The following AGAP1 variants were observed in gnomAD, a reference collection of about 807,000 sequenced individuals.
AGAP1 encodes the protein arf-GAP with GTPase, ANK repeat and PH domain-containing protein 1.
AGAP1 carries 29 observed loss-of-function variants against 105.3 expected under a neutral mutation model. The observed-to-expected ratio is 0.28, with a 90% CI of 0.21 to 0.38. AGAP1 has a LOEUF of 0.38. Ranked by LOEUF, AGAP1 falls within the 10% of genes least tolerant of loss-of-function variation. The probability of loss-of-function intolerance (pLI) is 1.00; values close to 1 mark genes in which losing one functional copy is unlikely to be tolerated. For synonymous variants in AGAP1, 509 were observed against 485.9 expected, an observed-to-expected ratio of 1.05 and a Z score of -0.63; for missense variants, 998 against 1,165.1, an observed-to-expected ratio of 0.86 and a Z score of 2.09.
In AGAP1 at chr2:235,787,687, A is replaced by G. The variant is rs1013291699; in HGVS notation, c.674-10072A>G. 1.3e-5 allele frequency among the ~76,000 whole-genome samples: 2 copies of G among 152,226 alleles called. No individual in the cohort carries two copies. Among genetic ancestry groups the G allele is most frequent in the Non-Finnish European group, 2.9e-5 (2 of 68,040 alleles). On this transcript the variant is annotated intron_variant, in intron 6 of 17. Coordinates refer to ENST00000304032, the MANE Select transcript of AGAP1 (RefSeq NM_001037131.3). The surrounding 1 kb of genome is among the most constrained non-coding windows in gnomAD (Gnocchi z 4.4). Reference sequence around the variant, plus strand: ...AGTGAGGGATGCTATAAAGCATAGTAAAGAAACCTTCCTTGACACATTAAA... The same window carrying G: ...AGTGAGGGATGCTATAAAGCATAGTGAAGAAACCTTCCTTGACACATTAAA...
At chr2:236,116,881 A>T (rs1229230397) in intron 16 of AGAP1, among the ~76,000 whole-genome samples, 1 of 152,020 alleles carries the variant, frequency 6.6e-6, no homozygotes, top group South Asian at 2.1e-4. Context: ...TACTTTCCTT[A>T]GAATAATAGT....
intron 1 of AGAP1, among the ~76,000 whole-genome samples, chr2:235,686,634 TATATATATATAGATATATATATATATATA>T (rs1559350622): frequency 3.5e-4 from 18 of 51,892 alleles, no homozygotes; most frequent in East Asian, 7.0e-4. Flanking sequence ...TATATATATA[TATATATATATAGATATATATATATATATA>T]TATTTTTTTT....
At chr2:235,649,695 C>T (rs189040423) in intron 1 of AGAP1, among the ~76,000 whole-genome samples, 108 of 152,310 alleles carry the variant, frequency 7.1e-4, no homozygotes, top group African/African-American at 1.9e-3. Context: ...TCTAGCGCCT[C>T]CCAGGTGGCT....
chr2:235,564,880 G>A (rs1484776102), intron 1 of AGAP1, among the ~76,000 whole-genome samples: 1 of 150,120 alleles, frequency 6.7e-6, no homozygotes, highest in African/African-American at 2.5e-5. Context: ...AGGGCCAGGT[G>A]TGAGCCTGGA....
At chr2:235,851,497 ATT>A (rs930673990) in intron 9 of AGAP1, among the ~76,000 whole-genome samples, 1 of 150,892 alleles carries the variant, frequency 6.6e-6, no homozygotes, top group Non-Finnish European at 1.5e-5. Context: ...GTTTCAGAGA[ATT>A]TTTTTTTTAA....
intron 7 of AGAP1, among the ~76,000 whole-genome samples, chr2:235,798,202 T>C (rs770676139): frequency 5.4e-4 from 82 of 152,198 alleles, no homozygotes; most frequent in Non-Finnish European, 1.1e-3. Flanking sequence ...AGTCTGCTTA[T>C]AGGTTGAACA....
At chr2:235,839,688 C>T (rs372000327) in intron 9 of AGAP1, among the ~76,000 whole-genome samples, 10 of 152,272 alleles carry the variant, frequency 6.6e-5, no homozygotes, top group East Asian at 3.9e-4. Context: ...CCAGCGAGTT[C>T]GTTTCCACCC....
chr2:235,849,234 T>C (rs1390173898), intron 9 of AGAP1, among the ~76,000 whole-genome samples: 8 of 152,212 alleles, frequency 5.3e-5, no homozygotes, highest in Admixed American at 5.2e-4. Context: ...TCAAGTTTTC[T>C]CAGAAAAGGA....
chr2:236,111,003 C>T (rs920689860), intron 16 of AGAP1, among the ~76,000 whole-genome samples: 1 of 152,184 alleles, frequency 6.6e-6, no homozygotes, highest in African/African-American at 2.4e-5. Flanking sequence ...AACCAGCCCC[C>T]TCGGGCCTCT....
chr2:235,880,083 C>CTTTTTTTTTTTTTT (rs35633339), intron 9 of AGAP1, among the ~76,000 whole-genome samples: 1 of 138,890 alleles, frequency 7.2e-6, no homozygotes, highest in African/African-American at 2.6e-5. Flanking sequence ...GCACTCTGGC[C>CTTTTTTTTTTTTTT]TTTTTTTTTT....
chr2:235,661,857 A>G lies in AGAP1; in HGVS notation c.164-47322A>G, dbSNP rs544470922. 7.9e-5 allele frequency among the ~76,000 whole-genome samples: 12 copies of G among 152,286 alleles called. No homozygotes were observed. The East Asian group carries it at 2.3e-3, about 29-fold the overall frequency. ...AGTGATGTCCCTTGGCCTCTGCTGG[A>G]CAGAGAAGGAGGCGCCAGGAGGCAG... On this transcript the variant is annotated intron_variant, in intron 1 of 17. Coordinates refer to ENST00000304032, the MANE Select transcript of AGAP1 (RefSeq NM_001037131.3).
rs541545247 is a variant in AGAP1 at position 235,996,975 on chromosome 2, A to G, written c.1645+28352A>G. 3.9e-5 allele frequency among the ~76,000 whole-genome samples: 6 copies of G among 152,372 alleles called. No homozygotes were observed. The East Asian group carries it at 1.2e-3, about 29-fold the overall frequency. On this transcript the variant is annotated intron_variant, in intron 13 of 17. Coordinates refer to ENST00000304032, the MANE Select transcript of AGAP1 (RefSeq NM_001037131.3). ...AAGAAAAAAATCACTGAATGTATGT[A>G]TCATTGAGACCTATTTAATTATTCT...
intron 1 of AGAP1, among the ~76,000 whole-genome samples, chr2:235,629,559 G>A (rs145180716): frequency 9.2e-4 from 140 of 152,068 alleles, no homozygotes; most frequent in South Asian, 4.0e-3. Context: ...ACTTCATGAG[G>A]TATTTTAAGA....
rs188996071 is a variant in AGAP1, at chr2:235,901,688, C to T, written c.1156-7050C>T. 1.3e-5 allele frequency among the ~76,000 whole-genome samples: 2 copies of T among 152,274 alleles called. No homozygotes were observed. Among genetic ancestry groups the T allele is most frequent in the Non-Finnish European group, 2.9e-5 (2 of 68,020 alleles). ...CTGAAGTCAGAAGTTGGAGACTAGTCTGGCCAACATGGTGAAACCCCATCT... is the reference window on the plus strand; with the variant it reads ...CTGAAGTCAGAAGTTGGAGACTAGTTTGGCCAACATGGTGAAACCCCATCT... On this transcript the variant is annotated intron_variant, in intron 10 of 17. Coordinates refer to ENST00000304032, the MANE Select transcript of AGAP1 (RefSeq NM_001037131.3). This position sits in a 1 kb window ranked among gnomAD's most constrained non-coding sequence, Gnocchi z 4.3.
At chr2:235,686,020 A>G (rs1575124905) in intron 1 of AGAP1, among the ~76,000 whole-genome samples, 1 of 152,208 alleles carries the variant, frequency 6.6e-6, no homozygotes, top group East Asian at 1.9e-4. Flanking sequence ...ATATGCACTT[A>G]GTGAGCAGGG....
intron 1 of AGAP1, among the ~76,000 whole-genome samples, chr2:235,545,003 T>C (rs1943576629): frequency 6.6e-6 from 1 of 152,216 alleles, no homozygotes; most frequent in African/African-American, 2.4e-5. Flanking sequence ...GATAAATCTT[T>C]TACATTCTAT....
rs1340641166 is a variant in AGAP1, at chr2:235,751,388, C to G, written c.673+900C>G. Among the ~76,000 whole-genome samples, 1 of 152,128 alleles carries G rather than the reference C, an allele frequency of 6.6e-6. No individual in the cohort carries two copies. Among genetic ancestry groups the G allele is most frequent in the African/African-American group, 2.4e-5 (1 of 41,428 alleles). On this transcript the variant is annotated intron_variant, in intron 6 of 17. Coordinates refer to ENST00000304032, the MANE Select transcript of AGAP1 (RefSeq NM_001037131.3). The surrounding 1 kb of genome is among the most constrained non-coding windows in gnomAD (Gnocchi z 5.3). ...CCATGGGGGCAGAGCCACCTGTCCC[C>G]CTGCTCTGGTGCCCAGGGGGTTGTC...
In AGAP1 at chr2:236,123,824, C is replaced by T; in HGVS notation, c.2371-95C>T. 2 of 1,486,604 alleles carry T rather than the reference C, an allele frequency of 1.3e-6. No individual in the cohort carries two copies. The highest frequency in any genetic ancestry group is 1.8e-6 in the Non-Finnish European group (2 of 1,088,412). The allele number at this position is 1,486,604 out of a possible 1,614,324, so 92.1% of individuals were successfully genotyped here. A position where few individuals can be genotyped will look rare whatever the true frequency, so the allele number is the denominator to read the frequency against. ...TGTGTAGCTGGCCCCGCTGTCCAAG[C>T]ACAAGCCACATGCAAGGGCTGAGAG... On this transcript the variant is annotated intron_variant, in intron 17 of 17. Coordinates refer to ENST00000304032, the MANE Select transcript of AGAP1 (RefSeq NM_001037131.3). This position sits in a 1 kb window ranked among gnomAD's most constrained non-coding sequence, Gnocchi z 4.6.
At chr2:235,632,922 G>A (rs937487095) in intron 1 of AGAP1, among the ~76,000 whole-genome samples, 8 of 152,154 alleles carry the variant, frequency 5.3e-5, no homozygotes, top group African/African-American at 1.9e-4. Flanking sequence ...TTTGCTGGCA[G>A]AAAAAGGAAG....
Sources: allele counts gnomAD v4.1 joint callset (sites outside exome capture counted in the v4.1 genomes callset), GRCh38; gene constraint gnomAD v4.1.1; non-coding constraint Gnocchi (gnomAD v3.1); transcripts MANE v1.5; gene names NCBI Gene and HGNC (gene_info 2026-07-23, HGNC 2026-07-21).